AATF: variants seen among roughly 807,000 people sequenced by gnomAD.
AATF encodes protein AATF.
A neutral mutation model predicts 63.7 loss-of-function variants in AATF; 48 were observed. That is an observed-to-expected ratio of 0.75 (90% confidence interval 0.60 to 0.96). The LOEUF (loss-of-function observed/expected upper bound fraction) is 0.96, where lower values mean the gene tolerates loss of function less well. Among genes scored for constraint, AATF ranks in the 40% least tolerant of loss-of-function variants. AATF has a pLI of 0.00. For missense variants in AATF, 639 were observed against 685.7 expected, an observed-to-expected ratio of 0.93 and a Z score of 0.76; for synonymous variants, 258 against 247.7, an observed-to-expected ratio of 1.04 and a Z score of -0.39.
At chr17:36,976,600 C>A (rs1393844962) in intron 4 of AATF, among the ~76,000 whole-genome samples, 1 of 152,116 alleles carries the variant, frequency 6.6e-6, no homozygotes, top group Non-Finnish European at 1.5e-5. Flanking sequence ...ATTTCTTTTT[C>A]AGTTATTCAT....
At chr17:36,982,487 G>A (rs2071134343) in intron 4 of AATF, among the ~76,000 whole-genome samples, 1 of 152,010 alleles carries the variant, frequency 6.6e-6, no homozygotes, top group South Asian at 2.1e-4. Flanking sequence ...CCGAGCAGCT[G>A]GGACTACAGG....
At chr17:37,013,014 ACTTTC>A (rs2071403563) in intron 8 of AATF, among the ~76,000 whole-genome samples, 1 of 152,226 alleles carries the variant, frequency 6.6e-6, no homozygotes, top group Admixed American at 6.5e-5. Flanking sequence ...AAAATTAAAA[ACTTTC>A]CTGCCTCAAA....
intron 4 of AATF, among the ~76,000 whole-genome samples, chr17:36,968,902 A>C (rs1385187249): frequency 6.6e-6 from 1 of 152,132 alleles, no homozygotes. Context: ...CGCTGACATT[A>C]CAGATGTGAA....
In AATF at chr17:36,968,325, C is replaced by T. The variant is rs187102925; in HGVS notation, c.832+14418C>T. On this transcript the variant is annotated intron_variant, in intron 4 of 11. Transcript: ENST00000619387. The stretch of plus-strand genomic sequence containing the variant: ...TGAGATAGGCTCTCACTTTGTCACC[C>T]AGGCTTGATCTTGATCTCGGCTCAC... Among the ~76,000 whole-genome samples, 61 of 100,676 alleles carry T rather than the reference C, an allele frequency of 6.1e-4. 1 individual carries two copies. Among genetic ancestry groups the T allele is most frequent in the Non-Finnish European group, 2.7e-4 (15 of 54,886 alleles). The allele number at this position is 100,676 out of a possible 152,430, so 66.0% of individuals were successfully genotyped here.
chr17:37,022,604 A>G (rs1057401233), intron 10 of AATF, among the ~76,000 whole-genome samples: 1 of 152,186 alleles, frequency 6.6e-6, no homozygotes, highest in Non-Finnish European at 1.5e-5. Flanking sequence ...CATGGACTTA[A>G]GACCCAGACT....
chr17:36,988,320 A>G (rs1460986637), intron 5 of AATF, among the ~76,000 whole-genome samples, 199 bp from the exon 6 acceptor site: 1 of 152,198 alleles, frequency 6.6e-6, no homozygotes, highest in Non-Finnish European at 1.5e-5. Context: ...TCTCAAAAAA[A>G]AAAGTTACAC....
chr17:36,998,731 C>G (rs2071272873), intron 8 of AATF: 1 of 152,122 alleles, frequency 6.6e-6, no homozygotes, highest in African/African-American at 2.4e-5. Context: ...CTAAGAACAA[C>G]AACAAAAACA....
chr17:37,034,648 C>A (rs1206802534), intron 11 of AATF: 1 of 151,892 alleles, frequency 6.6e-6, no homozygotes, highest in Non-Finnish European at 1.5e-5. Flanking sequence ...TATTAATAGA[C>A]CTGACTACAT....
chr17:37,048,759 G>T (rs912934257), intron 11 of AATF, among the ~76,000 whole-genome samples: 2 of 152,138 alleles, frequency 1.3e-5, no homozygotes, highest in African/African-American at 4.8e-5. Flanking sequence ...CAGCCCCAAA[G>T]AGCACAGGGC....
intron 4 of AATF, among the ~76,000 whole-genome samples, chr17:36,962,172 A>G (rs2070952743): frequency 6.6e-6 from 1 of 152,272 alleles, no homozygotes; most frequent in Non-Finnish European, 1.5e-5. Context: ...TCTGTTTGGT[A>G]TTTACATAAT....
At chr17:37,035,794 G>A (rs2142306517) in intron 11 of AATF, among the ~76,000 whole-genome samples, 1 of 152,230 alleles carries the variant, frequency 6.6e-6, no homozygotes, top group East Asian at 1.9e-4. Context: ...AAATCTACTT[G>A]TAGGAGATAG....
intron 8 of AATF, among the ~76,000 whole-genome samples, chr17:36,996,122 A>G (rs1196093709): frequency 6.6e-6 from 1 of 152,188 alleles, no homozygotes; most frequent in East Asian, 1.9e-4. Context: ...GAGAGAACAT[A>G]TGTATGAAGT....
chr17:36,970,187 T>A (rs2071027827), intron 4 of AATF, among the ~76,000 whole-genome samples: 1 of 152,240 alleles, frequency 6.6e-6, no homozygotes, highest in African/African-American at 2.4e-5. Flanking sequence ...CTTCGGAAAC[T>A]GCCAAGCTAT....
At chr17:36,959,485 G>A (rs1206802054) in intron 4 of AATF, among the ~76,000 whole-genome samples, 1 of 152,128 alleles carries the variant, frequency 6.6e-6, no homozygotes, top group Admixed American at 6.5e-5. Flanking sequence ...TGACTGATTT[G>A]GATGGGTGGG....
chr17:36,982,409 A>G (rs2071133560), intron 4 of AATF, among the ~76,000 whole-genome samples: 1 of 151,974 alleles, frequency 6.6e-6, no homozygotes, highest in Admixed American at 6.6e-5. Context: ...GCTGGAGTAC[A>G]GTGGTACAAT....
Position 36,949,035 on chromosome 17 carries a change from C to A in AATF, c.-91C>A. On this transcript the variant is annotated 5_prime_UTR_variant, in exon 1 of 12. Coordinates refer to ENST00000619387, the MANE Select transcript of AATF (RefSeq NM_012138.4). ...GCGGAGTCGGGGAATCGGATCAAGG[C>A]GAGAGGATCCGGCAGGGAAGGAGCT... 8.4e-7 allele frequency: 1 copy of A among 1,189,372 alleles called. No individual in the cohort carries two copies. 73.7% of individuals were successfully genotyped at this position (1,189,372 alleles called of 1,614,324 possible). A position where few individuals can be genotyped will look rare whatever the true frequency, so the allele number is the denominator to read the frequency against.
At chr17:37,045,769 A>G (rs1567996592) in intron 11 of AATF, 1 of 152,210 alleles carries the variant, frequency 6.6e-6, no homozygotes, top group African/African-American at 2.4e-5. Context: ...AGCCAATCGT[A>G]TAACTGGCTG....
chr17:36,956,207 G>A (rs2070898637), intron 4 of AATF, among the ~76,000 whole-genome samples: 1 of 152,218 alleles, frequency 6.6e-6, no homozygotes, highest in Admixed American at 6.5e-5. Context: ...CTGACAGGGT[G>A]GGTTGTGGTG....
chr17:36,954,310 G>A (rs1437925065), intron 4 of AATF, among the ~76,000 whole-genome samples: 7 of 151,956 alleles, frequency 4.6e-5, no homozygotes, highest in Non-Finnish European at 7.4e-5. Flanking sequence ...TCAAACTCCT[G>A]GCCTCAAGCA....
Sources: gnomAD v4.1 joint callset for allele counts (sites outside exome capture counted in the v4.1 genomes callset) on GRCh38, gnomAD v4.1.1 for gene constraint, MANE v1.5 for transcripts, NCBI Gene and HGNC (gene_info 2026-07-23, HGNC 2026-07-21) for gene names.